ADGRE2: variants seen among roughly 807,000 people sequenced by gnomAD.
The protein encoded by ADGRE2 is CD97 antigen.
In ADGRE2, 83 loss-of-function variants were observed where a neutral mutation model predicts 100.8. The ratio of observed to expected loss-of-function variants is 0.82; its 90% CI spans 0.69 to 0.99. The LOEUF is 0.99. Among genes scored for constraint, ADGRE2 ranks in the 50% least tolerant of loss-of-function variants. The pLI is 0.00. For synonymous variants in ADGRE2, 355 were observed against 413.0 expected, an observed-to-expected ratio of 0.86 and a Z score of 1.70; for missense variants, 814 against 1,035.7, an observed-to-expected ratio of 0.79 and a Z score of 2.94.
At chr19:14,744,568 C>T (rs2043029791) in intron 18 of ADGRE2, among the ~76,000 whole-genome samples, 1 of 151,334 alleles carries the variant, frequency 6.6e-6, no homozygotes, top group African/African-American at 2.4e-5. Flanking sequence ...GACTCTCCCA[C>T]CTCAGCCTCC....
intron 5 of ADGRE2, among the ~76,000 whole-genome samples, chr19:14,768,357 A>T (rs1359887082): frequency 6.6e-6 from 1 of 152,118 alleles, no homozygotes; most frequent in Non-Finnish European, 1.5e-5. Context: ...CCTTTTTTTG[A>T]TCCTCAGGAA....
the ADGRE2 span, among the ~76,000 whole-genome samples, chr19:14,724,263 A>G: frequency 3.3e-5 from 5 of 152,236 alleles, no homozygotes; most frequent in African/African-American, 1.2e-4. Flanking sequence ...AAATACACAC[A>G]CTTTAGAAGG....
chr19:14,773,104 A>AAAAAAAG (rs1568627181), intron 4 of ADGRE2, among the ~76,000 whole-genome samples: 20 of 149,694 alleles, frequency 1.3e-4, no homozygotes, highest in African/African-American at 4.7e-4. Context: ...AAAAACAAAA[A>AAAAAAAG]AAAAAAGAAA....
intron 14 of ADGRE2, among the ~76,000 whole-genome samples, chr19:14,753,294 G>A (rs2043362514): frequency 1.3e-5 from 2 of 152,020 alleles, no homozygotes; most frequent in African/African-American, 4.8e-5. Context: ...TGTGGAGGGG[G>A]GAGCTAGCTT....
chr19:14,747,735 G>C (rs1478042886), intron 16 of ADGRE2, among the ~76,000 whole-genome samples: 1 of 150,088 alleles, frequency 6.7e-6, no homozygotes, highest in Non-Finnish European at 1.5e-5. Context: ...TTGAACCCAG[G>C]AAGCAGAGAG....
At chr19:14,753,878 G>C (rs919898612) in intron 14 of ADGRE2, among the ~76,000 whole-genome samples, 11 of 152,238 alleles carry the variant, frequency 7.2e-5, no homozygotes, top group Admixed American at 2.0e-4. Context: ...TGGAGAATCA[G>C]ATTCAAAACT....
At chr19:14,736,569 T>C (rs1358048242) in intron 20 of ADGRE2, among the ~76,000 whole-genome samples, 3 of 149,182 alleles carry the variant, frequency 2.0e-5, no homozygotes, top group African/African-American at 7.4e-5. Context: ...CTGAAATATA[T>C]ATATATTTCT....
chr19:14,768,430 A>C (rs1214992527), intron 5 of ADGRE2, among the ~76,000 whole-genome samples: 1 of 152,164 alleles, frequency 6.6e-6, no homozygotes, highest in East Asian at 1.9e-4. Context: ...GCCCTGGGTG[A>C]AGGTTTAGTG....
intron 5 of ADGRE2, 95 bp downstream of exon 5, chr19:14,772,247 T>A: frequency 6.5e-7 from 1 of 1,544,380 alleles, no homozygotes; most frequent in East Asian, 2.3e-5. Flanking sequence ...ACTGAACCTA[T>A]ACTTGGGTAC....
At chr19:14,768,640 C>A (rs1599871625) in intron 5 of ADGRE2, among the ~76,000 whole-genome samples, 1 of 152,158 alleles carries the variant, frequency 6.6e-6, no homozygotes, top group Non-Finnish European at 1.5e-5. Flanking sequence ...CACACTAGTG[C>A]CTCTTCCATT....
intron 17 of ADGRE2, among the ~76,000 whole-genome samples, chr19:14,746,633 G>A (rs1410530960): frequency 6.6e-6 from 1 of 152,178 alleles, no homozygotes; most frequent in Non-Finnish European, 1.5e-5. Flanking sequence ...AAAGTGCTGG[G>A]ATTACAGGCG....
intron 11 of ADGRE2, among the ~76,000 whole-genome samples, chr19:14,764,002 A>C (rs1468821341): frequency 2.5e-3 from 215 of 84,868 alleles, no homozygotes; most frequent in Middle Eastern, 0.021. Context: ...CTTCCTCTTT[A>C]TCCTCCTCCT....
rs150972875 is a variant in ADGRE2 at position 14,755,045 on chromosome 19, C to T, written c.1499G>A (p.Cys500Tyr). Reference protein sequence around the residue: ...NGCGHWATTGCSTIGTRDTST... With the variant: ...NGCGHWATTGYSTIGTRDTST... ...GGTGTCTCTGGTGCCTATTGTGCTG[C>T]AGCCTGTGGTGGCCCAGTGACCACA... Residue 500 changes from cysteine (C) to tyrosine (Y), a missense_variant, in exon 14 of 21, where the codon TGC (cysteine) becomes TAC (tyrosine). Transcript: ENST00000315576. The T allele has an allele frequency of 1.8e-4, 297 of 1,614,072 alleles. No individual in the cohort carries two copies. In the African/African-American group the frequency reaches 3.2e-3, roughly 18 times the overall value.
At chr19:14,762,830 G>T (rs1385271426) in intron 11 of ADGRE2, among the ~76,000 whole-genome samples, 1 of 151,870 alleles carries the variant, frequency 6.6e-6, no homozygotes, top group Non-Finnish European at 1.5e-5. Context: ...TTTCAGTAGA[G>T]ATGGGGTTTC....
chr19:14,753,196 G>A (rs956130664), intron 14 of ADGRE2, among the ~76,000 whole-genome samples: 4 of 151,882 alleles, frequency 2.6e-5, no homozygotes, highest in Admixed American at 6.6e-5. Flanking sequence ...GTGTGGGCCC[G>A]TTAGGTTTTG....
chr19:14,736,916 AAT>A (rs201504470), intron 20 of ADGRE2, among the ~76,000 whole-genome samples: 3,995 of 137,112 alleles, frequency 0.029, 76 homozygotes, highest in South Asian at 0.061. Flanking sequence ...TATATTTAGA[AAT>A]ATATATATAT....
intron 11 of ADGRE2, among the ~76,000 whole-genome samples, chr19:14,759,921 C>T (rs920404667): frequency 3.3e-5 from 5 of 151,438 alleles, no homozygotes; most frequent in Admixed American, 1.3e-4. Flanking sequence ...CAGGTTCACG[C>T]CATTCTCCTG....
the ADGRE2 span, among the ~76,000 whole-genome samples, chr19:14,725,771 T>C: frequency 2.0e-5 from 3 of 152,202 alleles, no homozygotes; most frequent in Admixed American, 6.5e-5. Flanking sequence ...TTTGGGCAGC[T>C]CCAGCCCTGT....
chr19:14,751,943 T>A (rs1261858016), intron 15 of ADGRE2, among the ~76,000 whole-genome samples: 1,221 of 111,008 alleles, frequency 0.011, 20 homozygotes, highest in African/African-American at 0.033. Flanking sequence ...TTTTTTTTTT[T>A]TTTTTTTGAG....
Sources: gnomAD v4.1 joint callset for allele counts (sites outside exome capture counted in the v4.1 genomes callset) on GRCh38, gnomAD v4.1.1 for gene constraint, MANE v1.5 for transcripts, NCBI Gene and HGNC (gene_info 2026-07-23, HGNC 2026-07-21) for gene names.